NFIC: variants seen among roughly 807,000 people sequenced by gnomAD.
NFIC encodes nuclear factor 1 C-type.
A neutral mutation model predicts 54.4 loss-of-function variants in NFIC; 12 were observed. The observed-to-expected ratio is 0.22, with a 90% confidence interval of 0.14 to 0.36. The LOEUF is 0.36. NFIC is among the 10% of genes least tolerant of loss of function. The pLI, the probability that NFIC is intolerant of heterozygous loss-of-function variation, is 1.00. For missense variants in NFIC, 575 were observed against 718.2 expected (o/e 0.80, Z 2.28); for synonymous variants, 322 against 319.2 (o/e 1.01, Z -0.09).
intron 2 of NFIC, among the ~76,000 whole-genome samples, chr19:3,395,339 A>G (rs1039518779): frequency 6.6e-6 from 1 of 151,912 alleles, no homozygotes; most frequent in African/African-American, 2.4e-5. Flanking sequence ...AGCCTGGGCA[A>G]CAGAGTGAGA....
intron 6 of NFIC, among the ~76,000 whole-genome samples, chr19:3,445,657 C>T (rs572999171): frequency 1.4e-4 from 21 of 152,296 alleles, no homozygotes; most frequent in Admixed American, 4.6e-4. Context: ...AGATGAAGAG[C>T]TGCATGTCCC....
At position 3,451,625 on chromosome 19, in the gene NFIC, T is replaced by C. The variant is rs1238828923; in HGVS notation, c.1085-857T>C. Among the ~76,000 whole-genome samples, 1,174 of 140,110 alleles carry C rather than the reference T, an allele frequency of 8.4e-3. 20 individuals are homozygous for C. Among genetic ancestry groups the C allele is most frequent in the African/African-American group, 0.033 (1,107 of 33,674 alleles). 91.9% of individuals were successfully genotyped at this position (140,110 alleles called of 152,430 possible). The stretch of plus-strand genomic sequence containing the variant: ...CAGCCTGGGTGACAAAGCGAGATTC[T>C]ATCTCTTAAAAAAAAAAAAAAAAGA... On this transcript the variant is annotated intron_variant, in intron 7 of 10. Coordinates refer to ENST00000443272, the MANE Select transcript of NFIC (RefSeq NM_001245002.2).
At chr19:3,442,899 G>A (rs2082315884) in intron 6 of NFIC, among the ~76,000 whole-genome samples, 1 of 152,252 alleles carries the variant, frequency 6.6e-6, no homozygotes, top group African/African-American at 2.4e-5. Context: ...CATTAAGAGA[G>A]GAGGCTAGTG....
Position 3,449,300 on chromosome 19 carries a change from G to T in NFIC, c.1084+161G>T, listed in dbSNP as rs541017698. 6.7e-4 allele frequency among the ~76,000 whole-genome samples: 102 copies of T among 152,284 alleles called. 1 individual carries two copies. The highest frequency in any genetic ancestry group is 1.5e-4 in the Non-Finnish European group (10 of 68,018). On this transcript the variant is annotated intron_variant, in intron 7 of 10. Coordinates refer to ENST00000443272, the MANE Select transcript of NFIC (RefSeq NM_001245002.2). The stretch of plus-strand genomic sequence containing the variant: ...GGTGCCGTAGTGGAGAGCGCCCAGG[G>T]CCTTGTTCCAGCCCGGCTGAGAGGT...
intron 2 of NFIC, among the ~76,000 whole-genome samples, chr19:3,398,431 G>C (rs1243665605): frequency 6.6e-6 from 1 of 152,102 alleles, no homozygotes; most frequent in Non-Finnish European, 1.5e-5. Context: ...TGGTGTCATC[G>C]CCTCCTCCCT....
At chr19:3,412,075 T>C (rs986271713) in intron 2 of NFIC, among the ~76,000 whole-genome samples, 14 of 152,126 alleles carry the variant, frequency 9.2e-5, no homozygotes, top group African/African-American at 2.7e-4. Flanking sequence ...AAGATGTTCA[T>C]TTATATGTTT....
At chr19:3,426,776 G>A (rs776741220) in intron 3 of NFIC, among the ~76,000 whole-genome samples, 10 of 152,030 alleles carry the variant, frequency 6.6e-5, no homozygotes, top group African/African-American at 2.2e-4. Context: ...CCTCAGGGCC[G>A]CTGCACATTC....
At chr19:3,381,126 C>T (rs2081199049) in intron 1 of NFIC, among the ~76,000 whole-genome samples, 1 of 152,130 alleles carries the variant, frequency 6.6e-6, no homozygotes, top group South Asian at 2.1e-4. Context: ...CATGGTGGCT[C>T]ACACCTGTCA....
intron 6 of NFIC, among the ~76,000 whole-genome samples, chr19:3,445,372 T>G (rs2082360213): frequency 6.6e-6 from 1 of 152,160 alleles, no homozygotes; most frequent in South Asian, 2.1e-4. Flanking sequence ...GGCATCCCAC[T>G]GGGCAGTGGG....
rs554136567 is a variant in NFIC, at chr19:3,452,874, G to A, written c.1269+208G>A. Among the ~76,000 whole-genome samples, 4 of 152,318 alleles carry A rather than the reference G, an allele frequency of 2.6e-5. No homozygotes were observed. The South Asian group carries it at 6.2e-4, about 24-fold the overall frequency. On this transcript the variant is annotated intron_variant, in intron 8 of 10. Coordinates refer to ENST00000443272, the MANE Select transcript of NFIC (RefSeq NM_001245002.2). This position sits in a 1 kb window ranked among gnomAD's most constrained non-coding sequence, Gnocchi z 5.3. ...GTCAGGGTTTCGGGCGCATCATGTC[G>A]CACCCTGTGGGGTCTGGGTAGCACC...
chr19:3,368,207 C>A (rs577696843), intron 1 of NFIC, among the ~76,000 whole-genome samples: 65 of 152,328 alleles, frequency 4.3e-4, no homozygotes, highest in Non-Finnish European at 9.1e-4. Context: ...GCTCTGTCCT[C>A]ACCAGCTGGA....
chr19:3,420,587 A>AT (rs71164698), intron 2 of NFIC, among the ~76,000 whole-genome samples: 15 of 152,022 alleles, frequency 9.9e-5, no homozygotes, highest in South Asian at 4.1e-4. Flanking sequence ...AAATAAATAA[A>AT]AGATACAAAA....
upstream of NFIC, among the ~76,000 whole-genome samples, chr19:3,362,758 T>G (rs1395513632): frequency 6.6e-6 from 1 of 151,818 alleles, no homozygotes; most frequent in Non-Finnish European, 1.5e-5. Context: ...CTTGCAAGGT[T>G]CCTGGGGAGC....
At chr19:3,432,975 C>T (rs1054729020) in intron 3 of NFIC, among the ~76,000 whole-genome samples, 8 of 149,444 alleles carry the variant, frequency 5.4e-5, no homozygotes, top group East Asian at 2.0e-4. Flanking sequence ...CGGCTCCACT[C>T]GTTTTTTAAG....
chr19:3,374,130 T>G (rs2081067420), intron 1 of NFIC, among the ~76,000 whole-genome samples: 1 of 152,152 alleles, frequency 6.6e-6, no homozygotes, highest in African/African-American at 2.4e-5. Flanking sequence ...ACCTGGAAAC[T>G]TTTGGTTTGG....
Position 3,429,253 on chromosome 19 carries a change from T to TACACACACACACACACACACAC in NFIC, c.634+4097_634+4118dup, listed in dbSNP as rs57948823. 1.1e-3 allele frequency among the ~76,000 whole-genome samples: 55 copies of TACACACACACACACACACACAC among 50,794 alleles called. 1 individual carries two copies. The highest frequency in any genetic ancestry group is 1.8e-3 in the East Asian group (2 of 1,126). 33.3% of individuals were successfully genotyped at this position (50,794 alleles called of 152,430 possible). A position where few individuals can be genotyped will look rare whatever the true frequency, so the allele number is the denominator to read the frequency against. On this transcript the variant is annotated intron_variant, in intron 3 of 10. Coordinates refer to ENST00000443272, the MANE Select transcript of NFIC (RefSeq NM_001245002.2). ...CCCCAAAAAAAAAAAAAAAAATATA[T>TACACACACACACACACACACAC]ACACACACACACACACACACACACA... is the stretch of plus-strand genomic sequence containing the variant.
At chr19:3,371,635 C>G (rs2081012581) in intron 1 of NFIC, 1 of 152,146 alleles carries the variant, frequency 6.6e-6, no homozygotes, top group South Asian at 2.1e-4. Context: ...AGTCCGACAC[C>G]TGGTATACAG....
intron 2 of NFIC, among the ~76,000 whole-genome samples, chr19:3,404,382 G>T (rs2081609091): frequency 6.6e-6 from 1 of 152,190 alleles, no homozygotes; most frequent in African/African-American, 2.4e-5. Context: ...CACATCCCTG[G>T]AGTGGCTGGT....
intron 2 of NFIC, among the ~76,000 whole-genome samples, chr19:3,390,118 TG>T (rs1475441486): frequency 6.6e-6 from 1 of 152,164 alleles, no homozygotes; most frequent in Non-Finnish European, 1.5e-5. Context: ...AGTGAGCCAG[TG>T]GGGGCACCGT....
Sources: gnomAD v4.1 joint callset for allele counts (sites outside exome capture counted in the v4.1 genomes callset) on GRCh38, gnomAD v4.1.1 for gene constraint, Gnocchi (gnomAD v3.1) non-coding constraint, MANE v1.5 for transcripts, NCBI Gene and HGNC (gene_info 2026-07-23, HGNC 2026-07-21) for gene names.